Variants in HTR2C observed in about 807,000 individuals in gnomAD.
HTR2C encodes the protein 5-hydroxytryptamine (serotonin) receptor 2C, G protein-coupled.
A neutral mutation model predicts 21.0 loss-of-function variants in HTR2C; 5 were observed. The observed-to-expected ratio is 0.24, with a 90% CI of 0.12 to 0.50. The LOEUF is 0.50. Ranked by LOEUF, HTR2C falls within the 20% of genes least tolerant of loss-of-function variation. The pLI, the probability that HTR2C is intolerant of heterozygous loss-of-function variation, is 0.98. For synonymous variants in HTR2C, 150 were observed against 145.3 expected (o/e 1.03, Z -0.23); for missense variants, 271 against 371.2 (o/e 0.73, Z 2.22).
At chrX:114,650,406 T>C (rs1930515603) in intron 2 of HTR2C, among the ~76,000 whole-genome samples, 3 of 111,766 alleles carry the variant, frequency 2.7e-5, no homozygotes, top group Admixed American at 1.9e-4. Flanking sequence ...GTCCTAGGGT[T>C]TTCTCCCTAA....
Position 114,725,929 on chromosome X carries a change from A to G in HTR2C, c.-79-929A>G, listed in dbSNP as rs1160091429. ...ACTGCTATCTTCAATGCTGTCAGAC[A>G]GGGACATTTAAGTCTGCAGAGGTTA... On this transcript the variant is annotated intron_variant, in intron 2 of 5. Transcript: ENST00000276198. Among the ~76,000 whole-genome samples the G allele has an allele frequency of 2.8e-5, 3 of 108,333 alleles. No homozygotes were observed. In the Admixed American group the frequency reaches 3.0e-4, roughly 11 times the overall value. The allele number at this position is 108,333 out of a possible 115,157, so 94.1% of individuals were successfully genotyped here. A position where few individuals can be genotyped will look rare whatever the true frequency, so the allele number is the denominator to read the frequency against.
intron 2 of HTR2C, among the ~76,000 whole-genome samples, chrX:114,620,291 A>G (rs782671321): frequency 4.4e-5 from 5 of 112,424 alleles, no homozygotes; most frequent in African/African-American, 1.6e-4. Flanking sequence ...AAAAATTTTG[A>G]ATAAGTTTCA....
At chrX:114,793,147 T>C (rs1395484070) in intron 4 of HTR2C, among the ~76,000 whole-genome samples, 1 of 111,480 alleles carries the variant, frequency 9.0e-6, no homozygotes, top group Non-Finnish European at 1.9e-5. Context: ...TTTTCAATTT[T>C]TGCTTTTGTT....
At chrX:114,817,550 A>G (rs782388851) in intron 4 of HTR2C, among the ~76,000 whole-genome samples, 46 of 111,958 alleles carry the variant, frequency 4.1e-4, no homozygotes, top group African/African-American at 1.3e-3. Flanking sequence ...AAATGGCTGA[A>G]TGTTGTTAAG....
chrX:114,640,430 C>T (rs1237057654), intron 2 of HTR2C, among the ~76,000 whole-genome samples: 1 of 111,772 alleles, frequency 8.9e-6, no homozygotes, highest in Non-Finnish European at 1.9e-5. Context: ...GGAAGTTGAA[C>T]ATTAAAGACT....
At chrX:114,756,841 G>A (rs1556430403) in intron 4 of HTR2C, among the ~76,000 whole-genome samples, 1 of 110,810 alleles carries the variant, frequency 9.0e-6, no homozygotes, top group African/African-American at 3.3e-5. Flanking sequence ...CTGAGAAAAG[G>A]GCACATGTGA....
intron 2 of HTR2C, chrX:114,652,716 G>A: frequency 2.6e-6 from 1 of 378,078 alleles, no homozygotes; most frequent in South Asian, 2.4e-5. Context: ...TTGAGCACCT[G>A]TTATGTGGAG....
chrX:114,729,806 A>G (rs1200940374), intron 3 of HTR2C, among the ~76,000 whole-genome samples: 1 of 111,146 alleles, frequency 9.0e-6, no homozygotes, highest in Non-Finnish European at 1.9e-5. Flanking sequence ...AAAAATACAT[A>G]ATATGGAGAA....
At chrX:114,836,869 A>T (rs868979824) in intron 4 of HTR2C, among the ~76,000 whole-genome samples, 2 of 109,404 alleles carry the variant, frequency 1.8e-5, no homozygotes, top group African/African-American at 6.6e-5. Flanking sequence ...TTATCTGTAA[A>T]TTTTTTTATG....
intron 4 of HTR2C, among the ~76,000 whole-genome samples, chrX:114,745,075 A>G (rs1210685714): frequency 4.5e-5 from 5 of 112,017 alleles, no homozygotes; most frequent in Non-Finnish European, 9.4e-5. Flanking sequence ...TACCTATCTG[A>G]CAAGGCATTA....
At chrX:114,628,550 C>G (rs183619767) in intron 2 of HTR2C, among the ~76,000 whole-genome samples, 1 of 109,004 alleles carries the variant, frequency 9.2e-6, no homozygotes, top group South Asian at 4.0e-4. Context: ...TGAGCCACCG[C>G]GCCTGGCCAA....
At chrX:114,681,375 C>T (rs2147854893) in intron 2 of HTR2C, among the ~76,000 whole-genome samples, 1 of 110,668 alleles carries the variant, frequency 9.0e-6, no homozygotes, top group South Asian at 3.8e-4. Flanking sequence ...GTATTATGTA[C>T]TTTTACTTGC....
Position 114,775,644 on chromosome X carries a change from G to A in HTR2C, c.349+44037G>A, listed in dbSNP as rs1602770965. 7.9e-6 allele frequency: 4 copies of A among 509,544 alleles called. No homozygotes were observed. The East Asian group carries it at 1.4e-4, about 18-fold the overall frequency. The allele number at this position is 509,544 out of a possible 1,213,427, so 42.0% of individuals were successfully genotyped here. The stretch of plus-strand genomic sequence containing the variant: ...ACGTTTTCAGATTTGTCTCCAGATA[G>A]GATGGCTGCCTGGACAGCTGCACCA... On this transcript the variant is annotated intron_variant, in intron 4 of 5. Transcript: ENST00000276198.
At chrX:114,624,389 A>T (rs1929295548) in intron 2 of HTR2C, among the ~76,000 whole-genome samples, 1 of 111,991 alleles carries the variant, frequency 8.9e-6, no homozygotes, top group Non-Finnish European at 1.9e-5. Context: ...CTGCAAATTC[A>T]TTTTGACAAA....
intron 2 of HTR2C, among the ~76,000 whole-genome samples, chrX:114,726,471 T>G (rs1178825502): frequency 1.8e-5 from 2 of 112,485 alleles, no homozygotes; most frequent in Admixed American, 9.4e-5. Context: ...GAAATCACCC[T>G]TCTTCTGCGT....
intron 4 of HTR2C, among the ~76,000 whole-genome samples, chrX:114,784,162 A>T (rs1431070224): frequency 9.1e-6 from 1 of 109,786 alleles, no homozygotes; most frequent in Non-Finnish European, 1.9e-5. Context: ...AGACAGACAA[A>T]CCACTGACTA....
intron 2 of HTR2C, among the ~76,000 whole-genome samples, chrX:114,726,651 T>A (rs781821772): frequency 8.9e-6 from 1 of 112,144 alleles, no homozygotes; most frequent in Non-Finnish European, 1.9e-5. Flanking sequence ...ATACAGAAAA[T>A]TTTTAAAAAC....
chrX:114,701,094 G>A (rs1484731928), intron 2 of HTR2C, among the ~76,000 whole-genome samples: 1 of 112,306 alleles, frequency 8.9e-6, no homozygotes, highest in Non-Finnish European at 1.9e-5. Context: ...AGCTCAAGGA[G>A]GCCTGCCTGA....
At position 114,633,947 on chromosome X, in the gene HTR2C, T is replaced by TATATATAGAG. The variant is rs201763901; in HGVS notation, c.-80+20067_-80+20068insTATATAGAGA. Among the ~76,000 whole-genome samples, 427 of 92,169 alleles carry TATATATAGAG rather than the reference T, an allele frequency of 4.6e-3. 1 individual carries two copies. Among genetic ancestry groups the TATATATAGAG allele is most frequent in the African/African-American group, 0.015 (392 of 25,487 alleles). The allele number at this position is 92,169 out of a possible 115,157, so 80.0% of individuals were successfully genotyped here. A position where few individuals can be genotyped will look rare whatever the true frequency, so the allele number is the denominator to read the frequency against. On this transcript the variant is annotated intron_variant, in intron 2 of 5. Transcript: ENST00000276198. ...ATATGCATGTGTATATATATATATA[T>TATATATAGAG]AGAGAGAGAGAGAGAGATGGTAGGT... is the stretch of plus-strand genomic sequence containing the variant.
Sources: gnomAD v4.1 joint callset for allele counts (sites outside exome capture counted in the v4.1 genomes callset) on GRCh38, gnomAD v4.1.1 for gene constraint, MANE v1.5 for transcripts, NCBI Gene and HGNC (gene_info 2026-07-23, HGNC 2026-07-21) for gene names.